Variants in KIF15 observed in about 807,000 individuals in gnomAD.
KIF15 encodes kinesin family member 15, also known as kinesin-like protein KIF15.
A neutral mutation model predicts 190.6 loss-of-function variants in KIF15; 140 were observed. That is an observed-to-expected ratio of 0.73 (90% CI 0.64 to 0.84). The LOEUF (loss-of-function observed/expected upper bound fraction) is 0.84. Among genes scored for constraint, KIF15 ranks in the 40% least tolerant of loss-of-function variants. KIF15 has a pLI of 0.00. For synonymous variants in KIF15, 528 were observed against 551.3 expected, an observed-to-expected ratio of 0.96 and a Z score of 0.59; for missense variants, 1,372 against 1,584.4, an observed-to-expected ratio of 0.87 and a Z score of 2.28.
intron 6 of KIF15, among the ~76,000 whole-genome samples, chr3:44,864,817 TG>T (rs889840538): frequency 3.9e-5 from 6 of 152,172 alleles, no homozygotes; most frequent in Admixed American, 3.3e-4. Flanking sequence ...GTCTTTCTTG[TG>T]TACTTTGCTG....
intron 1 of KIF15, among the ~76,000 whole-genome samples, chr3:44,768,941 T>C (rs1185937990): frequency 6.6e-6 from 1 of 152,076 alleles, no homozygotes; most frequent in Non-Finnish European, 1.5e-5. Context: ...GAAGTCATGC[T>C]CGAAAATCCC....
At chr3:44,774,333 G>C in intron 1 of KIF15, 62 bp from the exon 2 acceptor site, 3 of 1,454,384 alleles carry the variant, frequency 2.1e-6, no homozygotes, top group Non-Finnish European at 2.9e-6. Context: ...GAACATGTTA[G>C]AGAAGAATAG....
intron 6 of KIF15, chr3:44,863,154 C>T (rs1368489918): frequency 6.6e-6 from 1 of 151,864 alleles, no homozygotes; most frequent in African/African-American, 2.4e-5. Context: ...ATATGTGTGA[C>T]CCAAGACAGT....
chr3:44,780,828 G>A, intron 4 of KIF15, 57 bp from the exon 5 acceptor site: 1 of 1,128,662 alleles, frequency 8.9e-7, no homozygotes, highest in South Asian at 1.4e-5. Context: ...TATTATAATA[G>A]GAGGAGTAGT....
At chr3:44,790,641 A>G (rs1303551676) in intron 7 of KIF15, among the ~76,000 whole-genome samples, 2 of 149,874 alleles carry the variant, frequency 1.3e-5, no homozygotes, top group East Asian at 1.9e-4. Context: ...ACCACTGAAC[A>G]TTCTTTTGAT....
At chr3:44,837,231 C>T (rs753692707) in intron 26 of KIF15, among the ~76,000 whole-genome samples, 5 of 152,176 alleles carry the variant, frequency 3.3e-5, no homozygotes, top group Non-Finnish European at 7.4e-5. Context: ...GGAAGATGTG[C>T]AGACAAGGAT....
At chr3:44,820,692 C>T (rs1157764063) in intron 20 of KIF15, among the ~76,000 whole-genome samples, 3 of 152,152 alleles carry the variant, frequency 2.0e-5, no homozygotes, top group Non-Finnish European at 4.4e-5. Context: ...AACAAGATCC[C>T]AAGGCAGAAG....
At chr3:44,815,452 A>C (rs1707990279) in intron 20 of KIF15, among the ~76,000 whole-genome samples, 1 of 152,198 alleles carries the variant, frequency 6.6e-6, no homozygotes, top group Non-Finnish European at 1.5e-5. Flanking sequence ...ATTATCCCAG[A>C]GAAAATCTGA....
chr3:44,838,148 C>A, intron 26 of KIF15, 127 bp from the exon 27 acceptor site: 1 of 917,284 alleles, frequency 1.1e-6, no homozygotes, highest in Non-Finnish European at 1.6e-6. Context: ...TGGATTAGCA[C>A]ACAAGCAAAA....
intron 6 of KIF15, among the ~76,000 whole-genome samples, chr3:44,867,016 A>G (rs1699329728): frequency 6.6e-6 from 1 of 152,222 alleles, no homozygotes; most frequent in Non-Finnish European, 1.5e-5. Context: ...CAGAATGTTA[A>G]TCATTTAGCT....
At chr3:44,772,506 A>C (rs1455458985) in intron 1 of KIF15, among the ~76,000 whole-genome samples, 1 of 152,256 alleles carries the variant, frequency 6.6e-6, no homozygotes, top group African/African-American at 2.4e-5. Flanking sequence ...CAGCAAAATA[A>C]GATCTAAGAA....
Position 44,801,861 on chromosome 3 carries a change from C to G in KIF15, c.1396C>G (p.Gln466Glu), listed in dbSNP as rs768535940. Residue 466 changes from glutamine (Q) to glutamate (E), a missense_variant, in exon 13 of 35, where the codon CAA (glutamine) becomes GAA (glutamate). Coordinates refer to ENST00000326047, the MANE Select transcript of KIF15 (RefSeq NM_020242.3). ...NKMIVKFRED[Q>E]IIRLEKLHKE... ...AATGATTGTGAAATTCCGAGAGGAT[C>G]AAATAATACGCTTGGAAAAGCTCCA... is the stretch of plus-strand genomic sequence containing the variant. 1.7e-5 allele frequency: 27 copies of G among 1,612,228 alleles called. No homozygotes were observed. Among genetic ancestry groups the G allele is most frequent in the Non-Finnish European group, 2.2e-5 (26 of 1,178,598 alleles).
chr3:44,826,391 T>C lies in KIF15; in HGVS notation c.2717T>C (p.Leu906Pro), dbSNP rs773200410. The change falls in exon 22 of 35, where the codon CTT (leucine) becomes CCT (proline). Residue 906 changes from leucine to proline, a missense_variant. Coordinates refer to ENST00000326047, the MANE Select transcript of KIF15 (RefSeq NM_020242.3). Reference sequence around the variant, plus strand: ...GTCTTTTAGAATTTGATGGAGCTTCTTGAGGCAGAAAAAGAACGCAATAAC... The same window carrying C: ...GTCTTTTAGAATTTGATGGAGCTTCCTGAGGCAGAAAAAGAACGCAATAAC... ...KSDLNNLMELLEAEKERNNKL... is the reference protein window; with the variant it reads ...KSDLNNLMELPEAEKERNNKL... 3 of 1,613,158 alleles carry C rather than the reference T, an allele frequency of 1.9e-6. No homozygotes were observed. The Admixed American group carries it at 5.0e-5, about 27-fold the overall frequency.
chr3:44,864,289 CAT>C, intron 6 of KIF15: 1 of 1,614,214 alleles, frequency 6.2e-7, no homozygotes, highest in South Asian at 1.1e-5. Context: ...TCAGTTTCTC[CAT>C]GTCTTCAGCC....
intron 32 of KIF15, among the ~76,000 whole-genome samples, chr3:44,850,460 A>C (rs1007075999): frequency 2.0e-5 from 3 of 152,208 alleles, no homozygotes; most frequent in Non-Finnish European, 2.9e-5. Context: ...AACTTGGTGT[A>C]TAGTTTATTT....
rs1707472595 is a variant in KIF15, at chr3:44,805,861, T to C, written c.1846T>C (p.Leu616=). 1.9e-6 allele frequency: 3 copies of C among 1,613,288 alleles called. No individual in the cohort carries two copies. The highest frequency in any genetic ancestry group is 1.7e-6 in the Non-Finnish European group (2 of 1,179,854). Residue 616 remains leucine, a synonymous_variant, in exon 16 of 35, where the codon TTG becomes CTG. Coordinates refer to ENST00000326047, the MANE Select transcript of KIF15 (RefSeq NM_020242.3). ...KELTRKRQLE[L]ESELQSLQKA... ...ATCTATTAGGAAAAGGCAGCTAGAA[T>C]TGGAATCAGAGCTTCAGTCTTTGCA...
chr3:44,827,351 G>A (rs1042826368), intron 22 of KIF15, 108 bp from the exon 23 acceptor site: 4 of 740,046 alleles, frequency 5.4e-6, no homozygotes, highest in South Asian at 1.8e-5. Flanking sequence ...TGACACCAAG[G>A]GTGTGCCTAA....
At chr3:44,793,510 T>G (rs942459660) in intron 7 of KIF15, among the ~76,000 whole-genome samples, 1 of 152,216 alleles carries the variant, frequency 6.6e-6, no homozygotes, top group Non-Finnish European at 1.5e-5. Context: ...ATTTCCTGTT[T>G]GTTCTGTTTC....
At chr3:44,769,507 C>G (rs567231973) in intron 1 of KIF15, among the ~76,000 whole-genome samples, 1 of 152,324 alleles carries the variant, frequency 6.6e-6, no homozygotes, top group South Asian at 2.1e-4. Context: ...ATCTCCCCTG[C>G]TGTCAGTAGC....
Sources: gnomAD v4.1 joint callset for allele counts (sites outside exome capture counted in the v4.1 genomes callset) on GRCh38, gnomAD v4.1.1 for gene constraint, MANE v1.5 for transcripts, NCBI Gene and HGNC (gene_info 2026-07-23, HGNC 2026-07-21) for gene names.